GRM1: variants seen among roughly 807,000 people sequenced by gnomAD.
GRM1 encodes metabotropic glutamate receptor 1.
In GRM1, 33 loss-of-function variants were observed where a neutral mutation model predicts 90.9. That is an observed-to-expected ratio of 0.36 (90% CI 0.28 to 0.49). The LOEUF (loss-of-function observed/expected upper bound fraction) is 0.49, where lower values mean the gene tolerates loss of function less well. Among genes scored for constraint, GRM1 ranks in the 20% least tolerant of loss-of-function variants. The probability of loss-of-function intolerance (pLI) is 0.99; values close to 1 mark genes in which losing one functional copy is unlikely to be tolerated. For missense variants in GRM1, 1,190 were observed against 1,534.3 expected (o/e 0.78, Z 3.75); for synonymous variants, 700 against 613.2 (o/e 1.14, Z -2.09).
At chr6:146,282,799 T>C (rs1016600) in intron 2 of GRM1, among the ~76,000 whole-genome samples, 34,474 of 152,078 alleles carry the variant, frequency 0.23, 8,171 homozygotes, top group African/African-American at 0.6. Context: ...CATTTCAAAC[T>C]TAAGTATGTG....
At chr6:146,242,364 C>G (rs1302363227) in intron 2 of GRM1, among the ~76,000 whole-genome samples, 6 of 152,062 alleles carry the variant, frequency 3.9e-5, no homozygotes, top group Non-Finnish European at 4.4e-5. Context: ...GCCTTATTTC[C>G]TAAGTAATAT....
intron 1 of GRM1, among the ~76,000 whole-genome samples, chr6:146,098,514 CTG>C (rs1301230425): frequency 6.6e-6 from 1 of 151,894 alleles, no homozygotes; most frequent in East Asian, 1.9e-4. Flanking sequence ...ATTGTCACGC[CTG>C]TTGTTTTGCG....
In GRM1 at chr6:146,416,352, A is replaced by T. The variant is rs142277026; in HGVS notation, c.2660+16653A>T. Reference sequence around the variant, plus strand: ...AATAATCACTAGTATTTTAATATTCAACTTTCTCCTGTATTAGTTTGTTAG... The same window carrying T: ...AATAATCACTAGTATTTTAATATTCTACTTTCTCCTGTATTAGTTTGTTAG... On this transcript the variant is annotated intron_variant, in intron 7 of 7. Transcript: ENST00000282753. 7.1e-3 allele frequency among the ~76,000 whole-genome samples: 1,073 copies of T among 152,062 alleles called. 12 individuals are homozygous for T. The highest frequency in any genetic ancestry group is 0.025 in the African/African-American group (1,026 of 41,496).
chr6:146,074,723 A>C (rs925531023), intron 1 of GRM1, among the ~76,000 whole-genome samples: 2 of 152,142 alleles, frequency 1.3e-5, no homozygotes, highest in African/African-American at 4.8e-5. Flanking sequence ...GGCTGGGATT[A>C]CTTGGACTTT....
At chr6:146,163,031 T>A (rs538318131) in intron 2 of GRM1, among the ~76,000 whole-genome samples, 13 of 152,258 alleles carry the variant, frequency 8.5e-5, no homozygotes, top group African/African-American at 3.1e-4. Flanking sequence ...TCAGTAGGGA[T>A]GTATTTATAG....
chr6:146,096,529 C>T (rs996279117), intron 1 of GRM1, among the ~76,000 whole-genome samples: 1 of 152,206 alleles, frequency 6.6e-6, no homozygotes, highest in Non-Finnish European at 1.5e-5. Flanking sequence ...TATGCTCCAA[C>T]AGAAGCTTTT....
chr6:146,171,006 T>C (rs188576444), intron 2 of GRM1, among the ~76,000 whole-genome samples: 2 of 152,312 alleles, frequency 1.3e-5, no homozygotes, highest in African/African-American at 4.8e-5. Flanking sequence ...GTGAAATCAC[T>C]TGAATAATCT....
chr6:146,203,125 C>A (rs1779371733), intron 2 of GRM1, among the ~76,000 whole-genome samples: 1 of 151,738 alleles, frequency 6.6e-6, no homozygotes, highest in South Asian at 2.1e-4. Context: ...ACCCGGGAGG[C>A]GGAGCTTGCA....
intron 2 of GRM1, among the ~76,000 whole-genome samples, chr6:146,282,419 A>G (rs994824365): frequency 4.6e-5 from 7 of 152,102 alleles, no homozygotes; most frequent in African/African-American, 1.2e-4. Context: ...TCACTGCTTC[A>G]TATCCGTATA....
At chr6:146,217,255 C>T (rs1339304217) in intron 2 of GRM1, among the ~76,000 whole-genome samples, 1 of 152,060 alleles carries the variant, frequency 6.6e-6, no homozygotes, top group Non-Finnish European at 1.5e-5. Context: ...ATAAGTTAAC[C>T]TTTGTGTATG....
intron 5 of GRM1, among the ~76,000 whole-genome samples, chr6:146,369,812 G>A (rs1775832936): frequency 6.6e-6 from 1 of 151,986 alleles, no homozygotes. Flanking sequence ...GTTAGATAGA[G>A]TGTTCTGTAA....
At chr6:146,322,449 G>C (rs1027078484) in intron 3 of GRM1, among the ~76,000 whole-genome samples, 10 of 152,198 alleles carry the variant, frequency 6.6e-5, no homozygotes, top group African/African-American at 2.2e-4. Context: ...GCTCTCTTCA[G>C]AGCTGGCAGG....
chr6:146,312,394 C>T (rs1350482522), intron 3 of GRM1, among the ~76,000 whole-genome samples: 3 of 132,708 alleles, frequency 2.3e-5, no homozygotes, highest in Non-Finnish European at 4.7e-5. Flanking sequence ...ATTTAGTAAG[C>T]TTTGACTCCA....
At chr6:146,172,722 A>G (rs1328549445) in intron 2 of GRM1, among the ~76,000 whole-genome samples, 1 of 152,218 alleles carries the variant, frequency 6.6e-6, no homozygotes, top group Non-Finnish European at 1.5e-5. Context: ...ATATTTCCAC[A>G]AGGCAGCATA....
intron 1 of GRM1, among the ~76,000 whole-genome samples, chr6:146,129,873 C>A (rs1776329659): frequency 6.6e-6 from 1 of 152,056 alleles, no homozygotes; most frequent in African/African-American, 2.4e-5. Flanking sequence ...TGAGCCTGGA[C>A]TCCTAAGGCT....
chr6:146,293,443 T>A (rs183911603), intron 2 of GRM1, among the ~76,000 whole-genome samples: 175 of 152,066 alleles, frequency 1.2e-3, no homozygotes, highest in African/African-American at 4.1e-3. Flanking sequence ...AACAAAAAAA[T>A]TATTGGATTA....
At chr6:146,316,843 A>G (rs920573019) in intron 3 of GRM1, among the ~76,000 whole-genome samples, 3 of 152,178 alleles carry the variant, frequency 2.0e-5, no homozygotes, top group Non-Finnish European at 2.9e-5. Context: ...TGACCCTAAA[A>G]TGTTGAAGGC....
chr6:146,138,937 T>C (rs1312508880), intron 1 of GRM1, among the ~76,000 whole-genome samples: 1 of 146,922 alleles, frequency 6.8e-6, no homozygotes, highest in Non-Finnish European at 1.5e-5. Context: ...TGAAATGTTC[T>C]TTTTTTTTTA....
At chr6:146,189,758 T>C (rs1035895987) in intron 2 of GRM1, among the ~76,000 whole-genome samples, 3 of 152,220 alleles carry the variant, frequency 2.0e-5, no homozygotes, top group Admixed American at 2.0e-4. Context: ...CATGGCTCTC[T>C]CCACTACGAT....
Sources: allele counts gnomAD v4.1 joint callset (sites outside exome capture counted in the v4.1 genomes callset), GRCh38; gene constraint gnomAD v4.1.1; transcripts MANE v1.5; gene names NCBI Gene and HGNC (gene_info 2026-07-23, HGNC 2026-07-21).